Variants in CEPT1 observed in about 807,000 individuals in gnomAD.
CEPT1 encodes choline/ethanolamine phosphotransferase 1.
CEPT1 carries 7 observed loss-of-function variants against 42.6 expected under a neutral mutation model. The ratio of observed to expected loss-of-function variants is 0.16; its 90% CI spans 0.09 to 0.31. The LOEUF (loss-of-function observed/expected upper bound fraction) is 0.31. Ranked by LOEUF, CEPT1 falls within the 10% of genes least tolerant of loss-of-function variation. The pLI is 1.00. For synonymous variants in CEPT1, 171 were observed against 171.9 expected, an observed-to-expected ratio of 0.99 and a Z score of 0.04; for missense variants, 306 against 502.1, an observed-to-expected ratio of 0.61 and a Z score of 3.73.
chr1:111,160,969 A>AG lies in CEPT1; in HGVS notation c.488-186_488-185insG, dbSNP rs564779174. 4.0e-4 allele frequency: 249 copies of AG among 615,626 alleles called. 2 individuals are homozygous for AG. In the South Asian group the frequency reaches 4.3e-3, roughly 11 times the overall value. 38.1% of individuals were successfully genotyped at this position (615,626 alleles called of 1,614,324 possible). A position where few individuals can be genotyped will look rare whatever the true frequency, so the allele number is the denominator to read the frequency against. Reference sequence around the variant, plus strand: ...GTGATTTGGTAAAAAAAAAAAAAAAAAGAGAGATTGAAATTATGGGGTAAG... The same window carrying AG: ...GTGATTTGGTAAAAAAAAAAAAAAAAGAGAGAGATTGAAATTATGGGGTAAG... On this transcript the variant is annotated intron_variant, in intron 3 of 8. Coordinates refer to ENST00000357172, the MANE Select transcript of CEPT1 (RefSeq NM_006090.5).
intron 1 of CEPT1, among the ~76,000 whole-genome samples, chr1:111,141,608 G>T (rs939903170): frequency 5.3e-5 from 8 of 151,936 alleles, no homozygotes; most frequent in African/African-American, 1.9e-4. Flanking sequence ...GTGTGTGTGT[G>T]TTTTTTTAAG....
At chr1:111,170,080 TC>T (rs2101356561) in intron 4 of CEPT1, among the ~76,000 whole-genome samples, 1 of 152,296 alleles carries the variant, frequency 6.6e-6, no homozygotes, top group East Asian at 1.9e-4. Context: ...TTTAGCTGAC[TC>T]CCCAGTGGTT....
intron 1 of CEPT1, among the ~76,000 whole-genome samples, chr1:111,142,672 A>AAATTT (rs1452408071): frequency 6.6e-6 from 1 of 152,194 alleles, no homozygotes; most frequent in Admixed American, 6.5e-5. Context: ...AATTAAATTA[A>AAATTT]AATAAGTATT....
intron 4 of CEPT1, among the ~76,000 whole-genome samples, chr1:111,162,123 T>C (rs891545764): frequency 6.6e-6 from 1 of 152,226 alleles, no homozygotes; most frequent in Non-Finnish European, 1.5e-5. Flanking sequence ...TCCTGTGCTC[T>C]GCCAAGAAAT....
At chr1:111,178,627 A>C (rs1656818592) in intron 5 of CEPT1, 1 of 152,180 alleles carries the variant, frequency 6.6e-6, no homozygotes, top group Non-Finnish European at 1.5e-5. Flanking sequence ...CTCTTTAAAA[A>C]AAACAAAGAA....
chr1:111,172,274 G>A (rs1010692404), intron 4 of CEPT1, among the ~76,000 whole-genome samples: 1 of 151,686 alleles, frequency 6.6e-6, no homozygotes, highest in Non-Finnish European at 1.5e-5. Flanking sequence ...GTTTTTTGTT[G>A]TTTTTTTCTT....
At chr1:111,141,606 GTGTT>G (rs1654573214) in intron 1 of CEPT1, among the ~76,000 whole-genome samples, 1 of 152,074 alleles carries the variant, frequency 6.6e-6, no homozygotes, top group Admixed American at 6.6e-5. Context: ...TTGTGTGTGT[GTGTT>G]TTTTTAAGGG....
intron 4 of CEPT1, among the ~76,000 whole-genome samples, chr1:111,162,020 G>A (rs1655900644): frequency 6.6e-6 from 1 of 152,162 alleles, no homozygotes. Context: ...TGTATTTAGA[G>A]AACTGTAAAC....
At chr1:111,158,054 A>G (rs1255424417) in intron 2 of CEPT1, among the ~76,000 whole-genome samples, 1 of 152,214 alleles carries the variant, frequency 6.6e-6, no homozygotes, top group African/African-American at 2.4e-5. Context: ...TTTAAATTCA[A>G]TACCAGGCTG....
At chr1:111,149,473 G>T (rs1655154627) in intron 2 of CEPT1, among the ~76,000 whole-genome samples, 2 of 152,064 alleles carry the variant, frequency 1.3e-5, no homozygotes, top group Admixed American at 1.3e-4. Context: ...TTGTTGGTCA[G>T]GCTGCTCTGG....
At chr1:111,139,841 C>A (rs561982441), upstream of CEPT1, 2 of 152,638 alleles carry the variant, frequency 1.3e-5, no homozygotes, top group African/African-American at 4.8e-5. Flanking sequence ...AACCAGCCCC[C>A]CTCTGGCGCC....
intron 6 of CEPT1, 68 bp from the exon 7 acceptor site, chr1:111,182,731 C>A: frequency 7.1e-7 from 1 of 1,399,466 alleles, no homozygotes; most frequent in Non-Finnish European, 9.7e-7. Context: ...GTGAACTGTT[C>A]TGCAGCAGAT....
In CEPT1 at chr1:111,149,266, C is replaced by CTTTTTTTTTT. The variant is rs775722606; in HGVS notation, c.339+1218_339+1227dup. 7.0e-5 allele frequency among the ~76,000 whole-genome samples: 9 copies of CTTTTTTTTTT among 127,948 alleles called. 1 individual carries two copies. Among genetic ancestry groups the CTTTTTTTTTT allele is most frequent in the South Asian group, 2.7e-4 (1 of 3,722 alleles). The allele number at this position is 127,948 out of a possible 152,430, so 83.9% of individuals were successfully genotyped here. A position where few individuals can be genotyped will look rare whatever the true frequency, so the allele number is the denominator to read the frequency against. On this transcript the variant is annotated intron_variant, in intron 2 of 8. Transcript: ENST00000357172. ...ATAGATGTAAAATCTGGTTTCTCCT[C>CTTTTTTTTTT]TTTTTTTTTTTTTTGAGACAGGGTC...
intron 5 of CEPT1, chr1:111,178,941 A>C (rs1420667123): frequency 6.6e-6 from 1 of 152,198 alleles, no homozygotes; most frequent in Non-Finnish European, 1.5e-5. Flanking sequence ...TAGACACTGT[A>C]ATTATGTTAA....
chr1:111,162,321 T>G (rs996758053), intron 4 of CEPT1, among the ~76,000 whole-genome samples: 48 of 152,362 alleles, frequency 3.2e-4, no homozygotes, highest in African/African-American at 6.0e-4. Flanking sequence ...AAGCATGCAC[T>G]AACACAATGG....
intron 2 of CEPT1, among the ~76,000 whole-genome samples, chr1:111,151,805 G>C (rs907178953): frequency 6.6e-6 from 1 of 152,190 alleles, no homozygotes; most frequent in Non-Finnish European, 1.5e-5. Flanking sequence ...GAACAGCTTT[G>C]CAGGGCCAAT....
At position 111,154,187 on chromosome 1, in the gene CEPT1, G is replaced by GTATTTTATTTTATTTTATTTTATTT. The variant is rs201981261; in HGVS notation, c.340-5152_340-5128dup. 5.3e-5 allele frequency among the ~76,000 whole-genome samples: 7 copies of GTATTTTATTTTATTTTATTTTATTT among 131,150 alleles called. No homozygotes were observed. In the East Asian group the frequency reaches 1.1e-3, roughly 21 times the overall value. 86.0% of individuals were successfully genotyped at this position (131,150 alleles called of 152,430 possible). A position where few individuals can be genotyped will look rare whatever the true frequency, so the allele number is the denominator to read the frequency against. On this transcript the variant is annotated intron_variant, in intron 2 of 8. Coordinates refer to ENST00000357172, the MANE Select transcript of CEPT1 (RefSeq NM_006090.5). ...ACTCCTTGGTTAAATTTATTCCCAA[G>GTATTTTATTTTATTTTATTTTATTT]TATTTTATTTTATTTTATTTTATTT...
intron 6 of CEPT1, 91 bp from the exon 7 acceptor site, chr1:111,182,708 T>A: frequency 8.2e-7 from 1 of 1,214,480 alleles, no homozygotes; most frequent in Non-Finnish European, 1.1e-6. Context: ...TTCCTGAAAG[T>A]TTGAGTTGAA....
chr1:111,166,691 T>C (rs2101342240), intron 4 of CEPT1, among the ~76,000 whole-genome samples: 1 of 152,324 alleles, frequency 6.6e-6, no homozygotes, highest in South Asian at 2.1e-4. Flanking sequence ...TTTTTCAAAA[T>C]GTACATTGGG....
Sources: allele counts gnomAD v4.1 joint callset (sites outside exome capture counted in the v4.1 genomes callset), GRCh38; gene constraint gnomAD v4.1.1; transcripts MANE v1.5; gene names NCBI Gene and HGNC (gene_info 2026-07-23, HGNC 2026-07-21).